OR14I1: variants seen among roughly 807,000 people sequenced by gnomAD.
OR14I1 encodes the protein olfactory receptor 14I1.
For missense variants in OR14I1, 279 were observed against 181.8 expected (o/e 1.53, Z -3.07); for synonymous variants, 118 against 71.1 (o/e 1.66, Z -3.32).
chr1:248,692,429 C>T, the OR14I1 span, among the ~76,000 whole-genome samples: 3 of 152,380 alleles, frequency 2.0e-5, no homozygotes, highest in East Asian at 5.8e-4. Context: ...TTCCCACCTG[C>T]GTTTCCGCAT....
At chr1:248,691,915 A>G in the OR14I1 span, 1 of 48,428 alleles carries the variant, frequency 2.1e-5, no homozygotes, top group Admixed American at 2.9e-4. Flanking sequence ...TCTCGGGCCT[A>G]CAAGTCTCTA....
chr1:248,693,499 TGATAA>T, the OR14I1 span, among the ~76,000 whole-genome samples: 567 of 152,336 alleles, frequency 3.7e-3, 3 homozygotes, highest in African/African-American at 0.013. Flanking sequence ...TTAGGATTTT[TGATAA>T]GATAAAAGAG....
chr1:248,681,248 G>GT (rs1054918612), downstream of OR14I1: 14,177 of 467,712 alleles, frequency 0.03, no homozygotes, highest in South Asian at 0.037. Flanking sequence ...CATTCAACAG[G>GT]TTTTTTTTTT....
chr1:248,693,343 G>A, the OR14I1 span, among the ~76,000 whole-genome samples: 1 of 152,028 alleles, frequency 6.6e-6, no homozygotes, highest in Non-Finnish European at 1.5e-5. Context: ...GCCTCTCAAA[G>A]TTCTCATCTT....
At chr1:248,694,671 AGTCACTTCTG>A in the OR14I1 span, among the ~76,000 whole-genome samples, 1 of 152,196 alleles carries the variant, frequency 6.6e-6, no homozygotes, top group Non-Finnish European at 1.5e-5. Flanking sequence ...TGAGAATTTC[AGTCACTTCTG>A]ATCACTTCTT....
At chr1:248,698,208 A>G in the OR14I1 span, among the ~76,000 whole-genome samples, 2 of 152,348 alleles carry the variant, frequency 1.3e-5, no homozygotes, top group African/African-American at 4.8e-5. Context: ...TGTAATTTGC[A>G]TAATAAAAGA....
upstream of OR14I1, among the ~76,000 whole-genome samples, chr1:248,684,918 T>G (rs1661622108): frequency 6.6e-6 from 1 of 152,090 alleles, no homozygotes. Context: ...TTAAGATCAT[T>G]AAAGCAAACA....
chr1:248,685,837 G>C (rs1230481777), upstream of OR14I1, among the ~76,000 whole-genome samples: 7 of 150,952 alleles, frequency 4.6e-5, no homozygotes, highest in Admixed American at 4.0e-4. Flanking sequence ...ACTGTTTATT[G>C]AAAAGTTATT....
upstream of OR14I1, among the ~76,000 whole-genome samples, chr1:248,683,767 C>G (rs138820170): frequency 1.3e-5 from 2 of 152,232 alleles, no homozygotes; most frequent in Non-Finnish European, 2.9e-5. Flanking sequence ...AGCGCGGTGG[C>G]GAACTCCTGT....
chr1:248,687,344 T>C, the OR14I1 span, among the ~76,000 whole-genome samples: 1 of 152,224 alleles, frequency 6.6e-6, no homozygotes. Context: ...CAGTTTACTT[T>C]GCAGTTACAG....
At chr1:248,699,777 G>T in the OR14I1 span, among the ~76,000 whole-genome samples, 2 of 149,140 alleles carry the variant, frequency 1.3e-5, no homozygotes, top group African/African-American at 5.2e-5. Flanking sequence ...TGTTTGTTTT[G>T]AGACAGAGTC....
chr1:248,693,335 C>T, the OR14I1 span, among the ~76,000 whole-genome samples: 1 of 152,160 alleles, frequency 6.6e-6, no homozygotes, highest in Non-Finnish European at 1.5e-5. Context: ...TTCCCTCAGC[C>T]TCTCAAAGTT....
chr1:248,702,641 A>AG, the OR14I1 span, among the ~76,000 whole-genome samples: 7 of 151,960 alleles, frequency 4.6e-5, no homozygotes, highest in Non-Finnish European at 7.4e-5. Flanking sequence ...CTCTCATCTC[A>AG]GCAACCAGGT....
At chr1:248,681,337 T>G in exon 1 of OR14I1, 1 of 651,540 alleles carries the variant, frequency 1.5e-6, no homozygotes, top group South Asian at 2.0e-5. Context: ...GGGGTTTTGT[T>G]GCAGATCTTC....
At chr1:248,697,321 G>A in the OR14I1 span, 3 of 152,144 alleles carry the variant, frequency 2.0e-5, no homozygotes, top group Non-Finnish European at 4.4e-5. Context: ...TGAGGACACA[G>A]CAGTGGTCTG....
the OR14I1 span, among the ~76,000 whole-genome samples, chr1:248,699,702 G>T: frequency 6.6e-6 from 1 of 152,180 alleles, no homozygotes; most frequent in African/African-American, 2.4e-5. Flanking sequence ...ATCCACCAGA[G>T]AGATGATCAA....
chr1:248,701,157 A>AT, the OR14I1 span, among the ~76,000 whole-genome samples: 2 of 151,934 alleles, frequency 1.3e-5, no homozygotes, highest in African/African-American at 4.8e-5. Flanking sequence ...CACACTTTTA[A>AT]CTTTTTTTTT....
chr1:248,700,621 T>C, the OR14I1 span, among the ~76,000 whole-genome samples: 99 of 152,366 alleles, frequency 6.5e-4, no homozygotes, highest in African/African-American at 2.2e-3. Flanking sequence ...GTACTCCAGA[T>C]GTATTAAGTC....
chr1:248,690,600 CAAAA>C, the OR14I1 span, among the ~76,000 whole-genome samples: 1 of 51,516 alleles, frequency 1.9e-5, no homozygotes, highest in African/African-American at 7.8e-5. Context: ...GTCTACCAAC[CAAAA>C]AAAAAAAAAA....
Sources: gnomAD v4.1 joint callset for allele counts (sites outside exome capture counted in the v4.1 genomes callset) on GRCh38, gnomAD v4.1.1 for gene constraint, MANE v1.5 for transcripts, NCBI Gene and HGNC (gene_info 2026-07-23, HGNC 2026-07-21) for gene names.